Variants in KATNIP observed in about 807,000 individuals in gnomAD.
KATNIP encodes the protein katanin-interacting protein.
In KATNIP, 126 loss-of-function variants were observed where a neutral mutation model predicts 174.0. That is an observed-to-expected ratio of 0.72 (90% confidence interval 0.63 to 0.84). The LOEUF (loss-of-function observed/expected upper bound fraction) is 0.84, where lower values mean the gene tolerates loss of function less well. Ranked by LOEUF, KATNIP falls within the 40% of genes least tolerant of loss-of-function variation. KATNIP has a pLI of 0.00. For synonymous variants in KATNIP, 810 were observed against 835.7 expected (o/e 0.97, Z 0.53); for missense variants, 1,958 against 2,109.7 (o/e 0.93, Z 1.41).
At chr16:27,756,613 G>A (rs535450014) in intron 18 of KATNIP, among the ~76,000 whole-genome samples, 1 of 152,202 alleles carries the variant, frequency 6.6e-6, no homozygotes, top group Admixed American at 6.5e-5. Flanking sequence ...GTGTGCAAGA[G>A]TCAGTGTCCC....
At chr16:27,698,596 G>C in intron 9 of KATNIP, 96 bp downstream of exon 9, 1 of 1,278,482 alleles carries the variant, frequency 7.8e-7, no homozygotes, top group South Asian at 1.6e-5. Context: ...GAAGAGAGAG[G>C]TGTAGTGGGC....
In KATNIP at chr16:27,614,256, C is replaced by G. The variant is rs973319406; in HGVS notation, c.64-4169C>G. Among the ~76,000 whole-genome samples the G allele has an allele frequency of 3.3e-5, 5 of 152,118 alleles. No individual in the cohort carries two copies. The East Asian group carries it at 9.7e-4, about 29-fold the overall frequency. The stretch of plus-strand genomic sequence containing the variant: ...TCTCAGCTCACTGCAACCTCCAACC[C>G]CCGGGTTCAAGCGATTCTCCTGCCT... On this transcript the variant is annotated intron_variant, in intron 2 of 27. Transcript: ENST00000261588.
At chr16:27,692,651 G>A (rs77472684) in intron 8 of KATNIP, among the ~76,000 whole-genome samples, 5,529 of 152,146 alleles carry the variant, frequency 0.036, 330 homozygotes, top group African/African-American at 0.12. Flanking sequence ...CACCGCCTTC[G>A]TGTCCCCACT....
At chr16:27,726,565 A>G (rs954673260) in intron 14 of KATNIP, among the ~76,000 whole-genome samples, 1 of 152,216 alleles carries the variant, frequency 6.6e-6, no homozygotes, top group Admixed American at 6.5e-5. Flanking sequence ...TGGTGAACAA[A>G]TAGACAAGGC....
chr16:27,662,887 A>G (rs2077568515), intron 6 of KATNIP, among the ~76,000 whole-genome samples: 1 of 152,212 alleles, frequency 6.6e-6, no homozygotes, highest in Non-Finnish European at 1.5e-5. Flanking sequence ...TTTAGAAGTA[A>G]GTTGAGTATA....
rs758755921 is a variant in KATNIP, at chr16:27,756,720, A to G, written c.3631+2469A>G. Among the ~76,000 whole-genome samples, 87 of 152,194 alleles carry G rather than the reference A, an allele frequency of 5.7e-4. 1 individual carries two copies. Among genetic ancestry groups the G allele is most frequent in the Non-Finnish European group, 1.0e-3 (71 of 68,028 alleles). ...GGATTTTTTTTTTGGCAGGGGATGA[A>G]TAATGGAAATTTAATTCAAGCTGAG... On this transcript the variant is annotated intron_variant, in intron 18 of 27. Coordinates refer to ENST00000261588, the MANE Select transcript of KATNIP (RefSeq NM_015202.5).
chr16:27,572,523 G>C (rs567116474), intron 1 of KATNIP, among the ~76,000 whole-genome samples: 1 of 152,048 alleles, frequency 6.6e-6, no homozygotes, highest in African/African-American at 2.4e-5. Context: ...GCTCACACAC[G>C]GAGATAGCCC....
intron 2 of KATNIP, among the ~76,000 whole-genome samples, chr16:27,585,413 G>T (rs567103803): frequency 6.6e-6 from 1 of 152,302 alleles, no homozygotes; most frequent in African/African-American, 2.4e-5. Context: ...CAGCAATTCC[G>T]CTCCTAAATG....
At chr16:27,569,702 C>A (rs958545244) in intron 1 of KATNIP, among the ~76,000 whole-genome samples, 1 of 152,134 alleles carries the variant, frequency 6.6e-6, no homozygotes, top group Non-Finnish European at 1.5e-5. Flanking sequence ...GTCTTCGCAT[C>A]GAGCTAATCT....
chr16:27,752,788 A>G (rs1247920000), intron 17 of KATNIP, among the ~76,000 whole-genome samples: 3 of 152,106 alleles, frequency 2.0e-5, no homozygotes, highest in Non-Finnish European at 4.4e-5. Flanking sequence ...TCCTGGACTC[A>G]AGCGCTTCTC....
At chr16:27,739,523 G>A (rs1186174870) in intron 14 of KATNIP, among the ~76,000 whole-genome samples, 1 of 152,060 alleles carries the variant, frequency 6.6e-6, no homozygotes, top group African/African-American at 2.4e-5. Flanking sequence ...CTGCTTTTAC[G>A]GTCTCCCAAT....
At chr16:27,746,267 C>T (rs7191516) in intron 15 of KATNIP, among the ~76,000 whole-genome samples, 24,809 of 152,142 alleles carry the variant, frequency 0.16, 2,171 homozygotes, top group African/African-American at 0.22. Context: ...TCGGTGCTGT[C>T]TCCTTGGTGC....
intron 15 of KATNIP, among the ~76,000 whole-genome samples, chr16:27,742,193 G>A (rs1278654313): frequency 6.6e-6 from 1 of 152,130 alleles, no homozygotes; most frequent in African/African-American, 2.4e-5. Context: ...CTTGGCTCCT[G>A]GAGAGTACGG....
In KATNIP at chr16:27,572,016, G is replaced by A. The variant is rs144010560; in HGVS notation, c.8-1885G>A. Among the ~76,000 whole-genome samples the A allele has an allele frequency of 5.9e-3, 905 of 152,138 alleles. 13 individuals are homozygous for A. The highest frequency in any genetic ancestry group is 0.021 in the African/African-American group (877 of 41,502). ...TGTGTGTGTGTGTGTATGTGTGTGT[G>A]TGTTTAACTAATAAACTGGTTTTTA... On this transcript the variant is annotated intron_variant, in intron 1 of 27. Transcript: ENST00000261588.
rs1339169844 is a variant in KATNIP, at chr16:27,742,872, C to T, written c.2623+1952C>T. Among the ~76,000 whole-genome samples, 3 of 151,260 alleles carry T rather than the reference C, an allele frequency of 2.0e-5. No homozygotes were observed. In the East Asian group the frequency reaches 5.8e-4, roughly 29 times the overall value. ...TTTTCTTTAACTTTTATTTTGGGTT[C>T]TGGGGTACACGTGCAGGATGTGCAG... On this transcript the variant is annotated intron_variant, in intron 15 of 27. Transcript: ENST00000261588.
intron 8 of KATNIP, among the ~76,000 whole-genome samples, chr16:27,683,176 G>T (rs1467510340): frequency 2.6e-5 from 4 of 152,168 alleles, no homozygotes; most frequent in Admixed American, 2.6e-4. Flanking sequence ...CCGGAGTTGG[G>T]ATCTGTGCAT....
rs950397936 is a variant in KATNIP, at chr16:27,569,742, G to A, written c.8-4159G>A. On this transcript the variant is annotated intron_variant, in intron 1 of 27. Coordinates refer to ENST00000261588, the MANE Select transcript of KATNIP (RefSeq NM_015202.5). ...GAGAGAGAAAGGCTCAGTGGTGTGA[G>A]GACTGGGCCAACCAGTCTTCTAGGG... Among the ~76,000 whole-genome samples the A allele has an allele frequency of 4.9e-4, 75 of 152,150 alleles. 1 individual carries two copies. Among genetic ancestry groups the A allele is most frequent in the Admixed American group, 4.7e-3 (71 of 15,268 alleles).
intron 7 of KATNIP, among the ~76,000 whole-genome samples, chr16:27,680,936 C>T (rs1468776403): frequency 2.0e-5 from 3 of 152,192 alleles, no homozygotes; most frequent in Non-Finnish European, 4.4e-5. Flanking sequence ...TTCAGGTGAT[C>T]CACCCGTCTT....
In KATNIP at chr16:27,722,821, G is replaced by A. The variant is rs117234802; in HGVS notation, c.1743+1126G>A. On this transcript the variant is annotated intron_variant, in intron 14 of 27. Transcript: ENST00000261588. ...GCTAGATCTTCCCAACATGCCCAGT[G>A]AGCTGGATATCTGAGTTTTGACATG... Among the ~76,000 whole-genome samples the A allele has an allele frequency of 5.0e-3, 761 of 152,332 alleles. 6 individuals are homozygous for A. Among genetic ancestry groups the A allele is most frequent in the Non-Finnish European group, 9.5e-3 (645 of 68,030 alleles).
Sources: gnomAD v4.1 joint callset for allele counts (sites outside exome capture counted in the v4.1 genomes callset) on GRCh38, gnomAD v4.1.1 for gene constraint, MANE v1.5 for transcripts, NCBI Gene and HGNC (gene_info 2026-07-23, HGNC 2026-07-21) for gene names.